Variants in CCSER1 observed in about 807,000 individuals in gnomAD.
CCSER1 encodes the protein coiled-coil serine rich protein 1, also known as serine-rich coiled-coil domain-containing protein 1.
A neutral mutation model predicts 82.0 loss-of-function variants in CCSER1; 41 were observed. The ratio of observed to expected loss-of-function variants is 0.50; its 90% CI spans 0.39 to 0.65. CCSER1 has a LOEUF of 0.65. Ranked by LOEUF, CCSER1 falls within the 30% of genes least tolerant of loss-of-function variation. The pLI, the probability that CCSER1 is intolerant of heterozygous loss-of-function variation, is 0.00. For synonymous variants in CCSER1, 414 were observed against 383.9 expected (o/e 1.08, Z -0.92); for missense variants, 1,119 against 1,064.2 (o/e 1.05, Z -0.72).
intron 10 of CCSER1, among the ~76,000 whole-genome samples, chr4:91,404,398 A>T (rs1343935173): frequency 6.6e-6 from 1 of 151,750 alleles, no homozygotes; most frequent in African/African-American, 2.4e-5. Context: ...TGTCTCCTCC[A>T]GTTCTGCTCT....
At chr4:90,307,087 A>G (rs1734416794) in intron 1 of CCSER1, among the ~76,000 whole-genome samples, 1 of 152,090 alleles carries the variant, frequency 6.6e-6, no homozygotes, top group Admixed American at 6.6e-5. Flanking sequence ...GACATTATGC[A>G]AGTTGCTTTT....
intron 5 of CCSER1, among the ~76,000 whole-genome samples, chr4:90,561,870 T>A (rs986440817): frequency 1.3e-5 from 2 of 152,054 alleles, no homozygotes; most frequent in Non-Finnish European, 2.9e-5. Context: ...ATAATCACCA[T>A]ACATAGGAAG....
At chr4:90,709,203 G>A (rs546584428) in intron 6 of CCSER1, among the ~76,000 whole-genome samples, 4 of 152,214 alleles carry the variant, frequency 2.6e-5, no homozygotes, top group Admixed American at 1.3e-4. Flanking sequence ...TAGGTGCAAA[G>A]TTTAGATAGA....
chr4:90,471,563 G>A (rs1451404964), intron 5 of CCSER1, among the ~76,000 whole-genome samples: 1 of 151,810 alleles, frequency 6.6e-6, no homozygotes, highest in Non-Finnish European at 1.5e-5. Context: ...TATAAATTTT[G>A]TAATTTTTTT....
At chr4:90,278,411 A>AAT (rs1210376920) in intron 1 of CCSER1, among the ~76,000 whole-genome samples, 2 of 152,038 alleles carry the variant, frequency 1.3e-5, no homozygotes, top group Admixed American at 1.3e-4. Flanking sequence ...TAATACAAAA[A>AAT]ACATAGAATC....
intron 5 of CCSER1, among the ~76,000 whole-genome samples, chr4:90,561,881 G>T (rs79603389): frequency 1.5e-3 from 221 of 152,058 alleles, no homozygotes; most frequent in African/African-American, 5.1e-3. Flanking sequence ...ACATAGGAAG[G>T]GATTTGACTG....
At chr4:90,574,553 C>T (rs1237451906) in intron 5 of CCSER1, among the ~76,000 whole-genome samples, 1 of 151,726 alleles carries the variant, frequency 6.6e-6, no homozygotes, top group East Asian at 1.9e-4. Flanking sequence ...CAGGCGTGAG[C>T]CACCGCGCCT....
intron 8 of CCSER1, among the ~76,000 whole-genome samples, chr4:90,879,582 A>G (rs12163896): frequency 0.23 from 20,635 of 89,388 alleles, 1,665 homozygotes; most frequent in Non-Finnish European, 0.28. Context: ...AAGAAGAAGA[A>G]GAGGAGGAGG....
chr4:91,330,108 A>T (rs1474183167), intron 10 of CCSER1, among the ~76,000 whole-genome samples: 2 of 152,050 alleles, frequency 1.3e-5, no homozygotes, highest in Non-Finnish European at 2.9e-5. Context: ...CTTCAAGTGT[A>T]TTTTACTTCC....
At chr4:90,154,966 A>G (rs1727755979) in intron 1 of CCSER1, among the ~76,000 whole-genome samples, 1 of 152,124 alleles carries the variant, frequency 6.6e-6, no homozygotes, top group Admixed American at 6.5e-5. Flanking sequence ...CCAGTTTTCA[A>G]AGGGAATGCT....
chr4:91,105,639 A>G (rs72888524), intron 10 of CCSER1, among the ~76,000 whole-genome samples: 53,158 of 151,850 alleles, frequency 0.35, 9,609 homozygotes, highest in East Asian at 0.45. Flanking sequence ...GGGAGGAGGA[A>G]GTTGCAGTGA....
intron 8 of CCSER1, among the ~76,000 whole-genome samples, chr4:90,823,101 A>T (rs1454641041): frequency 6.6e-6 from 1 of 152,200 alleles, no homozygotes. Flanking sequence ...ATAATGTATG[A>T]CTATTATCAG....
intron 10 of CCSER1, among the ~76,000 whole-genome samples, chr4:91,098,820 C>T (rs551619614): frequency 1.7e-4 from 26 of 152,138 alleles, no homozygotes; most frequent in African/African-American, 5.1e-4. Context: ...GGATTACAGG[C>T]GTGAGCCACC....
intron 1 of CCSER1, among the ~76,000 whole-genome samples, chr4:90,227,795 C>T (rs1743495011): frequency 6.6e-6 from 1 of 152,218 alleles, no homozygotes; most frequent in South Asian, 2.1e-4. Flanking sequence ...CAGGGCGAGG[C>T]ATTGCCTCAC....
chr4:90,715,589 T>C (rs1741493240), intron 6 of CCSER1, among the ~76,000 whole-genome samples: 1 of 152,048 alleles, frequency 6.6e-6, no homozygotes, highest in African/African-American at 2.4e-5. Context: ...AGATTATTGA[T>C]ACCAGGAGGA....
At chr4:91,466,048 A>C (rs1395905333) in intron 10 of CCSER1, among the ~76,000 whole-genome samples, 2 of 152,102 alleles carry the variant, frequency 1.3e-5, no homozygotes, top group Admixed American at 6.6e-5. Flanking sequence ...GAGCCACAGC[A>C]AAAAAAGAGA....
chr4:91,001,432 G>A (rs973187367), intron 9 of CCSER1, among the ~76,000 whole-genome samples: 2 of 152,016 alleles, frequency 1.3e-5, no homozygotes, highest in Non-Finnish European at 2.9e-5. Flanking sequence ...AGAATGAGTT[G>A]AGGAGGAGTC....
intron 6 of CCSER1, among the ~76,000 whole-genome samples, chr4:90,699,118 A>T (rs925262902): frequency 2.0e-5 from 3 of 152,086 alleles, no homozygotes; most frequent in African/African-American, 7.2e-5. Context: ...CAACAATAAC[A>T]ACATCCAAGA....
At chr4:91,173,047 A>G (rs1177116098) in intron 10 of CCSER1, among the ~76,000 whole-genome samples, 2 of 152,196 alleles carry the variant, frequency 1.3e-5, no homozygotes, top group Non-Finnish European at 2.9e-5. Context: ...AAATCGAAAG[A>G]ACATCTGATT....
Sources: allele counts gnomAD v4.1 joint callset (sites outside exome capture counted in the v4.1 genomes callset), GRCh38; gene constraint gnomAD v4.1.1; transcripts MANE v1.5; gene names NCBI Gene and HGNC (gene_info 2026-07-23, HGNC 2026-07-21).